PLXND1: variants seen among roughly 807,000 people sequenced by gnomAD.
The protein encoded by PLXND1 is plexin-D1.
Under a neutral mutation model 197.7 loss-of-function variants are expected in PLXND1, and 54 were observed. That is an observed-to-expected ratio of 0.27 (90% CI 0.22 to 0.34). The LOEUF is 0.34. Ranked by LOEUF, PLXND1 falls within the 10% of genes least tolerant of loss-of-function variation. PLXND1 has a pLI of 1.00. For synonymous variants in PLXND1, 1,180 were observed against 1,161.2 expected (o/e 1.02, Z -0.33); for missense variants, 2,127 against 2,699.2 (o/e 0.79, Z 4.70).
In PLXND1 at chr3:129,586,097, A is replaced by G. The variant is rs1245728988; in HGVS notation, c.1722-16T>C. On this transcript the variant is annotated splice_polypyrimidine_tract_variant and intron_variant, in intron 4 of 35. Transcript: ENST00000324093. ...CAAGGTGCACCTGGGGTGGCACCGC[A>G]GGGTCAGGACCCAGGTCAGCTCCTC... The G allele has an allele frequency of 1.2e-6, 2 of 1,613,714 alleles. No individual in the cohort carries two copies. Among genetic ancestry groups the G allele is most frequent in the Admixed American group, 1.7e-5 (1 of 60,030 alleles).
chr3:129,561,237 C>A (rs1425841883), intron 29 of PLXND1, among the ~76,000 whole-genome samples: 1 of 152,162 alleles, frequency 6.6e-6, no homozygotes, highest in African/African-American at 2.4e-5. Flanking sequence ...TAGAAGGGGA[C>A]CCCGAGACCC....
At chr3:129,594,850 A>G (rs2085596917) in intron 1 of PLXND1, among the ~76,000 whole-genome samples, 1 of 149,670 alleles carries the variant, frequency 6.7e-6, no homozygotes, top group Admixed American at 6.7e-5. Flanking sequence ...AATTATTCCA[A>G]AGTAAAAAGT....
At chr3:129,589,307 G>GCCGGGGGCCCCCCCC in intron 2 of PLXND1, 44 bp downstream of exon 2, 1 of 684,692 alleles carries the variant, frequency 1.5e-6, no homozygotes, top group Non-Finnish European at 2.6e-6. Context: ...TCCCAGGGGA[G>GCCGGGGGCCCCCCCC]CCTCCCACCC....
At chr3:129,600,671 C>G (rs904810812) in intron 1 of PLXND1, among the ~76,000 whole-genome samples, 3 of 151,674 alleles carry the variant, frequency 2.0e-5, no homozygotes, top group Admixed American at 2.0e-4. Flanking sequence ...TCAGCCAATC[C>G]TCCTAGAACC....
chr3:129,605,327 A>G lies in PLXND1; in HGVS notation c.1311+2T>C. The G allele has an allele frequency of 7.1e-7, 1 of 1,404,546 alleles. No individual in the cohort carries two copies. Among genetic ancestry groups the G allele is most frequent in the Non-Finnish European group, 9.2e-7 (1 of 1,081,490 alleles). The allele number at this position is 1,404,546 out of a possible 1,614,324, so 87.0% of individuals were successfully genotyped here. A position where few individuals can be genotyped will look rare whatever the true frequency, so the allele number is the denominator to read the frequency against. ...GCCGCCGCCGCCACCGCCCGGGTGT[A>G]CCTGGATGTTGAGCTTGCGCTCACA... On this transcript the variant is annotated splice_donor_variant, in intron 1 of 35. Coordinates refer to ENST00000324093, the MANE Select transcript of PLXND1 (RefSeq NM_015103.3). LOFTEE classifies it high-confidence loss of function.
intron 11 of PLXND1, 60 bp downstream of exon 11, chr3:129,575,409 C>A: frequency 9.5e-7 from 1 of 1,049,602 alleles, no homozygotes; most frequent in Non-Finnish European, 1.4e-6. Context: ...TCGCACAAGG[C>A]TGAGCCCCAC....
chr3:129,605,086 G>C (rs2085763899), intron 1 of PLXND1, among the ~76,000 whole-genome samples: 1 of 152,118 alleles, frequency 6.6e-6, no homozygotes, highest in Non-Finnish European at 1.5e-5. Flanking sequence ...CTAGGTATGC[G>C]CGCCCATGAG....
chr3:129,556,897 T>C (rs945550056), intron 34 of PLXND1, 186 bp downstream of exon 34: 7 of 729,336 alleles, frequency 9.6e-6, no homozygotes, highest in Admixed American at 7.7e-5. Context: ...GGTGCTCTCC[T>C]GCCCCCGCTC....
intron 9 of PLXND1, among the ~76,000 whole-genome samples, chr3:129,576,994 G>C (rs1469092988): frequency 6.6e-6 from 1 of 152,158 alleles, no homozygotes; most frequent in Non-Finnish European, 1.5e-5. Flanking sequence ...CCTGTGGCTG[G>C]CAGATGTGAC....
chr3:129,559,427 T>C (rs968906788), intron 32 of PLXND1, 193 bp downstream of exon 32: 2 of 534,236 alleles, frequency 3.7e-6, no homozygotes, highest in Admixed American at 3.2e-5. Flanking sequence ...ACCATTAACA[T>C]GGGTCGCATT....
rs1292085362 is a variant in PLXND1 at position 129,557,133 on chromosome 3, T to C, written c.5536A>G (p.Thr1846Ala). The C allele has an allele frequency of 6.2e-7, 1 of 1,613,848 alleles. No homozygotes were observed. The highest frequency in any genetic ancestry group is 2.2e-5 in the East Asian group (1 of 44,872). Residue 1846 changes from threonine to alanine, a missense_variant, in exon 34 of 36, where the codon ACG (threonine) becomes GCG (alanine). This residue lies in a region of PLXND1 where 200 missense variants were observed against 303.3 expected (regional missense o/e 0.66). Coordinates refer to ENST00000324093, the MANE Select transcript of PLXND1 (RefSeq NM_015103.3). The surrounding 1 kb of genome is among the most constrained non-coding windows in gnomAD (Gnocchi z 4.8). ...QRYYKQIQDM[T>A]PLSEQEMNAH... ...TTCATCTCTTGCTCGCTGAGCGGCG[T>C]CATGTCCTGGATCTGCTTGTAGTAG...
chr3:129,581,163 C>T (rs751654308), intron 8 of PLXND1, among the ~76,000 whole-genome samples: 29 of 152,340 alleles, frequency 1.9e-4, no homozygotes, highest in African/African-American at 5.5e-4. Flanking sequence ...GTGCAGATCC[C>T]GCTGCCTGCT....
chr3:129,574,615 G>C, intron 11 of PLXND1, 125 bp from the exon 12 acceptor site: 1 of 980,784 alleles, frequency 1.0e-6, no homozygotes, highest in Admixed American at 2.7e-5. Flanking sequence ...CCCACCCAGA[G>C]GAAGTCCTGA....
At chr3:129,589,313 C>CCCCCCCCCCCCCCCCCCCCCCCCCCCA in intron 2 of PLXND1, 38 bp downstream of exon 2, 1 of 592,308 alleles carries the variant, frequency 1.7e-6, no homozygotes, top group Non-Finnish European at 3.0e-6. Flanking sequence ...GGGAGCCTCC[C>CCCCCCCCCCCCCCCCCCCCCCCCCCCA]ACCCCCACCC....
chr3:129,604,807 C>T (rs2085759937), intron 1 of PLXND1, among the ~76,000 whole-genome samples: 1 of 152,236 alleles, frequency 6.6e-6, no homozygotes, highest in Non-Finnish European at 1.5e-5. Flanking sequence ...TCTTCAGGCC[C>T]CAGCTTGCTG....
chr3:129,574,368 C>G lies in PLXND1; in HGVS notation c.2653G>C (p.Ala885Pro), dbSNP rs376756512. ...CRLRGPLQPMAGTCPAPEIHA... is the reference protein window; with the variant it reads ...CRLRGPLQPMPGTCPAPEIHA... ...ATCTCGGGGGCGGGGCAGGTGCCAG[C>G]CATGGGCTGCAGAGGCCCCCGCAGG... Residue 885 changes from alanine (A) to proline (P), a missense_variant, in exon 12 of 36, where the codon GCT (alanine) becomes CCT (proline). Physicochemically the swap from Ala to Pro is conservative, Grantham distance 27. Coordinates refer to ENST00000324093, the MANE Select transcript of PLXND1 (RefSeq NM_015103.3). The G allele has an allele frequency of 1.2e-5, 20 of 1,609,468 alleles. No individual in the cohort carries two copies. The highest frequency in any genetic ancestry group is 1.7e-5 in the Non-Finnish European group (20 of 1,178,604).
intron 1 of PLXND1, among the ~76,000 whole-genome samples, chr3:129,590,470 A>G (rs560371819): frequency 7.9e-4 from 121 of 152,262 alleles, no homozygotes; most frequent in African/African-American, 2.7e-3. Flanking sequence ...AGGGTGGTGC[A>G]GAGGAGTGAA....
intron 3 of PLXND1, 107 bp downstream of exon 3, chr3:129,586,481 T>G: frequency 7.4e-7 from 1 of 1,345,052 alleles, no homozygotes. Flanking sequence ...ATAAGGGAGA[T>G]GGAGGAGGAG....
chr3:129,587,288 A>G (rs2085475983), intron 2 of PLXND1, among the ~76,000 whole-genome samples: 1 of 152,214 alleles, frequency 6.6e-6, no homozygotes, highest in African/African-American at 2.4e-5. Flanking sequence ...CAAGAGGCAC[A>G]AAGTGAAGAG....
Sources: allele counts gnomAD v4.1 joint callset (sites outside exome capture counted in the v4.1 genomes callset), GRCh38; gene constraint gnomAD v4.1.1; regional missense constraint gnomAD v4.1.1; non-coding constraint Gnocchi (gnomAD v3.1); transcripts MANE v1.5; gene names NCBI Gene and HGNC (gene_info 2026-07-23, HGNC 2026-07-21).